The following ABCC1 variants were observed in gnomAD, a reference collection of about 807,000 sequenced individuals.
ABCC1 encodes the protein multidrug resistance-associated protein 1.
ABCC1 carries 83 observed loss-of-function variants against 172.9 expected under a neutral mutation model. The observed-to-expected ratio is 0.48, with a 90% CI of 0.40 to 0.58. The LOEUF (loss-of-function observed/expected upper bound fraction) is 0.58, where lower values mean the gene tolerates loss of function less well. ABCC1 is among the 20% of genes least tolerant of loss of function. ABCC1 has a pLI of 0.00. For synonymous variants in ABCC1, 937 were observed against 825.2 expected (o/e 1.14, Z -2.32); for missense variants, 1,817 against 2,002.7 (o/e 0.91, Z 1.77).
intron 26 of ABCC1, among the ~76,000 whole-genome samples, chr16:16,127,054 C>G (rs2045472010): frequency 6.6e-6 from 1 of 152,116 alleles, no homozygotes; most frequent in African/African-American, 2.4e-5. Flanking sequence ...TTCTTAGGCC[C>G]TGAACAGCAG....
rs1330643849 is a variant in ABCC1, at chr16:16,048,264, C to T, written c.1341C>T (p.Ala447=). 6.2e-7 allele frequency: 1 copy of T among 1,614,128 alleles called. No homozygotes were observed. The change falls in exon 10 of 31, where the codon GCC becomes GCT. Residue 447 remains alanine, a synonymous_variant. Transcript: ENST00000399410. The part of the protein sequence containing the change: ...LATYINMIWS[A]PLQVILALYL... ...CGTACATTAACATGATCTGGTCAGC[C>T]CCCCTGCAAGTCATCCTTGCTCTCT... is the stretch of plus-strand genomic sequence containing the variant.
At chr16:15,950,703 C>T (rs755298568) in intron 1 of ABCC1, among the ~76,000 whole-genome samples, 4 of 152,202 alleles carry the variant, frequency 2.6e-5, no homozygotes, top group Admixed American at 6.5e-5. Context: ...ACTTCTGTCT[C>T]GTGCTGTCTT....
chr16:16,091,676 G>C (rs995594721), intron 19 of ABCC1, among the ~76,000 whole-genome samples: 1 of 152,186 alleles, frequency 6.6e-6, no homozygotes, highest in Non-Finnish European at 1.5e-5. Flanking sequence ...GGTGTGGCCA[G>C]ACCATGGTGT....
chr16:15,960,841 T>C (rs922174440), intron 1 of ABCC1, among the ~76,000 whole-genome samples: 5 of 152,112 alleles, frequency 3.3e-5, no homozygotes, highest in African/African-American at 1.2e-4. Flanking sequence ...AAATCTAGCC[T>C]GGAGCATTCG....
intron 27 of ABCC1, 129 bp downstream of exon 27, chr16:16,132,064 G>T (rs1234299802): frequency 9.1e-6 from 11 of 1,213,250 alleles, no homozygotes; most frequent in African/African-American, 4.6e-5. Flanking sequence ...ATGGCTTTTT[G>T]GGGGGCTGGG....
intron 23 of ABCC1, among the ~76,000 whole-genome samples, chr16:16,116,699 A>G (rs1184131606): frequency 1.3e-5 from 2 of 151,990 alleles, no homozygotes; most frequent in African/African-American, 4.8e-5. Context: ...AGTAGCTGGG[A>G]TTACAGGCAT....
chr16:15,965,838 C>CGGCA (rs2046230444), intron 1 of ABCC1, among the ~76,000 whole-genome samples: 1 of 152,058 alleles, frequency 6.6e-6, no homozygotes, highest in Non-Finnish European at 1.5e-5. Context: ...CTCAGGTGAT[C>CGGCA]TGCCTCCCAA....
chr16:15,970,455 C>T (rs963042985), intron 1 of ABCC1, among the ~76,000 whole-genome samples: 2 of 152,214 alleles, frequency 1.3e-5, no homozygotes, highest in African/African-American at 4.8e-5. Context: ...AGATGTTACT[C>T]AGGGATGAGG....
chr16:16,089,274 G>C (rs1004099899), intron 18 of ABCC1, among the ~76,000 whole-genome samples: 1 of 152,196 alleles, frequency 6.6e-6, no homozygotes, highest in Non-Finnish European at 1.5e-5. Flanking sequence ...AGCTGGGCAC[G>C]GTAGCGCATG....
At chr16:16,038,544 C>T (rs897544317) in intron 7 of ABCC1, among the ~76,000 whole-genome samples, 35 of 152,094 alleles carry the variant, frequency 2.3e-4, no homozygotes, top group African/African-American at 8.2e-4. Context: ...GCTGATTGGG[C>T]GGTGCCACCC....
chr16:15,958,253 G>A (rs1234036013), intron 1 of ABCC1, among the ~76,000 whole-genome samples: 2 of 152,012 alleles, frequency 1.3e-5, no homozygotes, highest in Non-Finnish European at 2.9e-5. Context: ...TTACAGGCCC[G>A]CACCACCACA....
intron 6 of ABCC1, among the ~76,000 whole-genome samples, chr16:16,033,942 T>C (rs1425080078): frequency 6.6e-6 from 1 of 151,212 alleles, no homozygotes; most frequent in East Asian, 2.0e-4. Flanking sequence ...GGTCCTCTTT[T>C]TGTATATCTT....
At chr16:16,003,529 T>A (rs1320420478) in intron 1 of ABCC1, among the ~76,000 whole-genome samples, 4 of 141,444 alleles carry the variant, frequency 2.8e-5, no homozygotes, top group Non-Finnish European at 6.3e-5. Flanking sequence ...GTGGATGAAT[T>A]GGTAGGTGGG....
intron 5 of ABCC1, among the ~76,000 whole-genome samples, chr16:16,023,513 G>A (rs77529650): frequency 1.4e-3 from 208 of 152,278 alleles, no homozygotes; most frequent in Non-Finnish European, 1.7e-3. Flanking sequence ...TGATTAAAGC[G>A]TTGAAACTCC....
In ABCC1 at chr16:16,134,987, T is replaced by C. The variant is rs45606742; in HGVS notation, c.4125+479T>C. The stretch of plus-strand genomic sequence containing the variant: ...TAGGCTGTGCTGCTGCTTCCCTGAA[T>C]TTCCTCTTAGTATATGATTAACAAC... On this transcript the variant is annotated intron_variant, in intron 28 of 30. Transcript: ENST00000399410. Among the ~76,000 whole-genome samples, 126 of 152,246 alleles carry C rather than the reference T, an allele frequency of 8.3e-4. 1 individual carries two copies. The highest frequency in any genetic ancestry group is 6.8e-3 in the Middle Eastern group (2 of 294).
intron 20 of ABCC1, among the ~76,000 whole-genome samples, chr16:16,103,775 C>T (rs997147778): frequency 2.0e-5 from 3 of 152,126 alleles, no homozygotes; most frequent in Admixed American, 6.6e-5. Flanking sequence ...ACAAACACTT[C>T]GTAGATGTCG....
chr16:16,055,962 A>C, intron 11 of ABCC1, 130 bp from the exon 12 acceptor site: 1 of 852,184 alleles, frequency 1.2e-6, no homozygotes, highest in Non-Finnish European at 1.8e-6. Context: ...AAGAAAAAAA[A>C]AAATCAATAT....
chr16:16,060,812 G>A (rs201359979), intron 12 of ABCC1, among the ~76,000 whole-genome samples: 7 of 151,034 alleles, frequency 4.6e-5, no homozygotes, highest in Admixed American at 1.3e-4. Flanking sequence ...GTGAGCCACC[G>A]CGCCTGGACT....
chr16:16,015,138 T>TTC (rs1338817318), intron 4 of ABCC1, among the ~76,000 whole-genome samples: 1 of 150,882 alleles, frequency 6.6e-6, no homozygotes, highest in Non-Finnish European at 1.5e-5. Flanking sequence ...GCACTTTTTT[T>TTC]TTTTTTTTTT....
Sources: allele counts gnomAD v4.1 joint callset (sites outside exome capture counted in the v4.1 genomes callset), GRCh38; gene constraint gnomAD v4.1.1; transcripts MANE v1.5; gene names NCBI Gene and HGNC (gene_info 2026-07-23, HGNC 2026-07-21).